Variants in GPM6B observed in about 807,000 individuals in gnomAD.
The protein encoded by GPM6B is glycoprotein M6B, also known as neuronal membrane glycoprotein M6-b.
A neutral mutation model predicts 27.2 loss-of-function variants in GPM6B; 4 were observed. That is an observed-to-expected ratio of 0.15 (90% CI 0.07 to 0.34). GPM6B has a LOEUF of 0.34. Ranked by LOEUF, GPM6B falls within the 10% of genes least tolerant of loss-of-function variation. The pLI is 1.00. For synonymous variants in GPM6B, 124 were observed against 103.1 expected, an observed-to-expected ratio of 1.20 and a Z score of -1.23; for missense variants, 183 against 261.9, an observed-to-expected ratio of 0.70 and a Z score of 2.08.
At chrX:13,816,568 CA>C (rs1208744273) in intron 1 of GPM6B, among the ~76,000 whole-genome samples, 1 of 111,246 alleles carries the variant, frequency 9.0e-6, no homozygotes, top group African/African-American at 3.3e-5. Flanking sequence ...TAAAAAAAGA[CA>C]GTTTCCCCAA....
At chrX:13,777,045 G>A (rs2048426669) in intron 6 of GPM6B, among the ~76,000 whole-genome samples, 1 of 111,318 alleles carries the variant, frequency 9.0e-6, no homozygotes, top group Admixed American at 9.5e-5. Flanking sequence ...TAGAAGAGGT[G>A]AGAGAAGAAT....
intron 1 of GPM6B, among the ~76,000 whole-genome samples, chrX:13,865,715 C>A (rs930618954): frequency 9.3e-6 from 1 of 107,219 alleles, no homozygotes; most frequent in Non-Finnish European, 1.9e-5. Flanking sequence ...TGAGATTGTA[C>A]CACTGCTCTC....
At chrX:13,840,084 C>A (rs1356624757) in intron 1 of GPM6B, among the ~76,000 whole-genome samples, 2 of 112,171 alleles carry the variant, frequency 1.8e-5, no homozygotes, top group Non-Finnish European at 3.8e-5. Context: ...AAAGTACAAT[C>A]CACAAATGAA....
intron 1 of GPM6B, among the ~76,000 whole-genome samples, chrX:13,810,668 A>T (rs1400394937): frequency 9.1e-6 from 1 of 109,328 alleles, no homozygotes; most frequent in African/African-American, 3.3e-5. Flanking sequence ...ACAATGAAAA[A>T]CCATGGACTG....
At chrX:13,844,986 CTTTTTCT>C (rs1321063774) in intron 1 of GPM6B, among the ~76,000 whole-genome samples, 1 of 98,230 alleles carries the variant, frequency 1.0e-5, no homozygotes, top group African/African-American at 3.8e-5. Flanking sequence ...AACGTTTTTT[CTTTTTCT>C]TTTTTTTTTT....
chrX:13,823,516 C>A (rs55688257), intron 1 of GPM6B, among the ~76,000 whole-genome samples: 1 of 103,235 alleles, frequency 9.7e-6, no homozygotes, highest in Non-Finnish European at 1.9e-5. Flanking sequence ...TTCCACTGAA[C>A]CTGGTTTTTT....
chrX:13,804,799 A>G (rs1270483566), intron 2 of GPM6B, among the ~76,000 whole-genome samples: 1 of 60,632 alleles, frequency 1.6e-5, no homozygotes, highest in East Asian at 7.0e-4. Flanking sequence ...CAAAAAAATT[A>G]ATAAAAAAAA....
chrX:13,802,888 T>C (rs1339905010), intron 2 of GPM6B, among the ~76,000 whole-genome samples: 1 of 111,579 alleles, frequency 9.0e-6, no homozygotes, highest in Non-Finnish European at 1.9e-5. Flanking sequence ...GGGGACAGAA[T>C]GATACCACCA....
At chrX:13,808,155 A>G (rs966095657) in intron 1 of GPM6B, among the ~76,000 whole-genome samples, 11 of 112,507 alleles carry the variant, frequency 9.8e-5, no homozygotes, top group Admixed American at 9.4e-4. Flanking sequence ...GCACTAGCAA[A>G]GGTGAACGCA....
chrX:13,922,217 T>C (rs1920987084), intron 1 of GPM6B, among the ~76,000 whole-genome samples: 1 of 111,187 alleles, frequency 9.0e-6, no homozygotes, highest in Admixed American at 9.6e-5. Flanking sequence ...AACTCTTTGT[T>C]GAGGAGAGGC....
intron 1 of GPM6B, among the ~76,000 whole-genome samples, chrX:13,861,003 CAT>C (rs1424928663): frequency 9.0e-5 from 3 of 33,166 alleles, no homozygotes; most frequent in African/African-American, 5.4e-4. Context: ...AATGAATGTG[CAT>C]ACACACACAC....
chrX:13,864,925 G>C (rs1423848415), intron 1 of GPM6B, among the ~76,000 whole-genome samples: 2 of 111,763 alleles, frequency 1.8e-5, no homozygotes, highest in Non-Finnish European at 3.8e-5. Context: ...ATACAATAAA[G>C]TTTCATTTAT....
chrX:13,909,282 C>T (rs2050357377), intron 1 of GPM6B, among the ~76,000 whole-genome samples: 1 of 109,483 alleles, frequency 9.1e-6, no homozygotes, highest in Admixed American at 9.8e-5. Context: ...CACCACCATA[C>T]CCAGCTAATT....
intron 1 of GPM6B, among the ~76,000 whole-genome samples, chrX:13,868,495 T>C (rs1445716294): frequency 8.9e-6 from 1 of 112,044 alleles, no homozygotes; most frequent in African/African-American, 3.2e-5. Flanking sequence ...GAATTAGATA[T>C]GTAAATCAGC....
At chrX:13,900,059 T>C (rs1006661323) in intron 1 of GPM6B, among the ~76,000 whole-genome samples, 3 of 111,863 alleles carry the variant, frequency 2.7e-5, no homozygotes, top group Non-Finnish European at 5.6e-5. Context: ...AAATAACTCA[T>C]TTAATAGAGT....
At chrX:13,867,603 G>A (rs1201342340) in intron 1 of GPM6B, among the ~76,000 whole-genome samples, 1 of 112,002 alleles carries the variant, frequency 8.9e-6, no homozygotes, top group Non-Finnish European at 1.9e-5. Context: ...TGGCTCACAT[G>A]AAGTTATACA....
intron 6 of GPM6B, 71 bp from the exon 7 acceptor site, chrX:13,776,374 C>G: frequency 1.2e-6 from 1 of 800,265 alleles, no homozygotes; most frequent in Non-Finnish European, 1.8e-6. Context: ...TTGTGGGGTG[C>G]TGCTTCATCT....
intron 2 of GPM6B, among the ~76,000 whole-genome samples, chrX:13,797,745 G>A (rs912870423): frequency 3.6e-5 from 4 of 111,478 alleles, no homozygotes; most frequent in East Asian, 2.8e-4. Flanking sequence ...AGTGGTAGGC[G>A]GTGGCAGAAT....
exon 1 of GPM6B, chrX:13,938,412 G>A: frequency 2.8e-6 from 1 of 361,239 alleles, no homozygotes; most frequent in Non-Finnish European, 4.3e-6. Flanking sequence ...GGCGCCACCT[G>A]AGCGGGGGAG....
Sources: gnomAD v4.1 joint callset for allele counts (sites outside exome capture counted in the v4.1 genomes callset) on GRCh38, gnomAD v4.1.1 for gene constraint, MANE v1.5 for transcripts, NCBI Gene and HGNC (gene_info 2026-07-23, HGNC 2026-07-21) for gene names.